DCUN1D1: variants seen among roughly 807,000 people sequenced by gnomAD.
DCUN1D1 encodes DCN1-like protein 1.
In DCUN1D1, 3 loss-of-function variants were observed where a neutral mutation model predicts 39.0. The observed-to-expected ratio is 0.08, with a 90% CI of 0.04 to 0.20. The LOEUF is 0.20. DCUN1D1 is among the 10% of genes least tolerant of loss of function. DCUN1D1 has a pLI of 1.00. For synonymous variants in DCUN1D1, 82 were observed against 96.3 expected, an observed-to-expected ratio of 0.85 and a Z score of 0.87; for missense variants, 158 against 302.4, an observed-to-expected ratio of 0.52 and a Z score of 3.54.
At chr3:182,955,548 C>T (rs1727001110) in intron 4 of DCUN1D1, 1 of 526,722 alleles carries the variant, frequency 1.9e-6, no homozygotes, top group Non-Finnish European at 3.8e-6. Flanking sequence ...TTACATGCCA[C>T]TCAAGAACTT....
intron 3 of DCUN1D1, among the ~76,000 whole-genome samples, chr3:182,962,372 G>T (rs542255814): frequency 1.3e-5 from 2 of 152,312 alleles, no homozygotes; most frequent in African/African-American, 2.4e-5. Context: ...TCTGTGTTAG[G>T]TTCTACCAAG....
chr3:182,980,111 A>AT, intron 1 of DCUN1D1: 1 of 939,984 alleles, frequency 1.1e-6, no homozygotes, highest in Non-Finnish European at 1.3e-6. Flanking sequence ...ACCAGACACA[A>AT]TGGAGCCGGC....
upstream of DCUN1D1, among the ~76,000 whole-genome samples, chr3:182,983,490 C>A (rs920969588): frequency 3.9e-5 from 6 of 152,274 alleles, 1 homozygote; most frequent in Admixed American, 2.6e-4. Context: ...CCAAGGCGGG[C>A]AGATAACTTA....
chr3:182,958,716 A>AT (rs1021387614), intron 4 of DCUN1D1, among the ~76,000 whole-genome samples: 6 of 152,196 alleles, frequency 3.9e-5, no homozygotes, highest in African/African-American at 1.4e-4. Flanking sequence ...ATAAACACAC[A>AT]TAATTCTTCA....
intron 4 of DCUN1D1, among the ~76,000 whole-genome samples, chr3:182,949,133 G>C (rs1001817836): frequency 6.6e-6 from 1 of 151,370 alleles, no homozygotes; most frequent in Non-Finnish European, 1.5e-5. Context: ...GGCCGAGGCA[G>C]GCAGATCACT....
Position 182,947,349 on chromosome 3 carries a change from AAAAC to A in DCUN1D1, c.604-19_604-16del. ...TTATGATGTTCCTATTTAAAAAACA[AAAAC>A]AAAATACATTTGTATCACTAAAAAG... On this transcript the variant is annotated splice_polypyrimidine_tract_variant and intron_variant, in intron 5 of 6. Transcript: ENST00000292782. The A allele has an allele frequency of 6.6e-7, 1 of 1,523,890 alleles. No individual in the cohort carries two copies. Among genetic ancestry groups the A allele is most frequent in the African/African-American group, 1.4e-5 (1 of 72,288 alleles). 94.4% of individuals were successfully genotyped at this position (1,523,890 alleles called of 1,614,324 possible). A position where few individuals can be genotyped will look rare whatever the true frequency, so the allele number is the denominator to read the frequency against.
chr3:182,947,956 T>G (rs1726502971), intron 4 of DCUN1D1, among the ~76,000 whole-genome samples: 1 of 152,258 alleles, frequency 6.6e-6, no homozygotes, highest in South Asian at 2.1e-4. Flanking sequence ...CCAGGGTTTC[T>G]CAACCTGGGC....
Position 182,939,502 on chromosome 3 carries a change from C to G in DCUN1D1, c.*5592G>C, listed in dbSNP as rs1275322841. 1 of 152,150 alleles carries G rather than the reference C, an allele frequency of 6.6e-6. No individual in the cohort carries two copies. Among genetic ancestry groups the G allele is most frequent in the Non-Finnish European group, 1.5e-5 (1 of 68,030 alleles). The allele number at this position is 152,150 out of a possible 1,614,324, so 9.4% of individuals were successfully genotyped here. ...ATAAACAAAATGTGGTATATCCAAACAGTGAACACTAAGTCAGCAACTAAA... is the reference window on the plus strand; with the variant it reads ...ATAAACAAAATGTGGTATATCCAAAGAGTGAACACTAAGTCAGCAACTAAA... On this transcript the variant is annotated 3_prime_UTR_variant, in exon 7 of 7. Coordinates refer to ENST00000292782, the MANE Select transcript of DCUN1D1 (RefSeq NM_020640.4).
At chr3:182,958,427 ATAT>A (rs1235390297) in intron 4 of DCUN1D1, among the ~76,000 whole-genome samples, 2 of 152,154 alleles carry the variant, frequency 1.3e-5, no homozygotes, top group African/African-American at 4.8e-5. Flanking sequence ...CAATATGAAT[ATAT>A]TATTATTGAC....
chr3:182,982,753 C>T (rs750220060), upstream of DCUN1D1, among the ~76,000 whole-genome samples: 2 of 152,100 alleles, frequency 1.3e-5, 1 homozygote, highest in East Asian at 3.8e-4. Flanking sequence ...AGCGATTCTC[C>T]TGTCTCAGCC....
At chr3:182,982,321 C>T (rs528896515), upstream of DCUN1D1, among the ~76,000 whole-genome samples, 3 of 152,310 alleles carry the variant, frequency 2.0e-5, no homozygotes, top group South Asian at 2.1e-4. Flanking sequence ...GCCTGTGTCA[C>T]GCTGTCACTC....
At chr3:182,975,987 C>CA (rs1168853929) in intron 1 of DCUN1D1, among the ~76,000 whole-genome samples, 1 of 151,920 alleles carries the variant, frequency 6.6e-6, no homozygotes, top group Non-Finnish European at 1.5e-5. Context: ...TCTTTGTCCC[C>CA]AAAGGCCCAG....
rs1216471678 is a variant in DCUN1D1, at chr3:182,938,139, C to A, written c.*6955G>T. On this transcript the variant is annotated 3_prime_UTR_variant, in exon 7 of 7. Transcript: ENST00000292782. Reference sequence around the variant, plus strand: ...TGATATAATAGCTTCTTATATACTACATTAACTTGAAAAATATATTCGTTA... The same window carrying A: ...TGATATAATAGCTTCTTATATACTAAATTAACTTGAAAAATATATTCGTTA... 6.6e-6 allele frequency: 1 copy of A among 152,074 alleles called. No homozygotes were observed. The highest frequency in any genetic ancestry group is 1.5e-5 in the Non-Finnish European group (1 of 68,008). The allele number at this position is 152,074 out of a possible 1,614,324, so 9.4% of individuals were successfully genotyped here.
chr3:182,971,150 T>A (rs922103196), intron 1 of DCUN1D1, among the ~76,000 whole-genome samples: 1 of 152,234 alleles, frequency 6.6e-6, no homozygotes, highest in East Asian at 1.9e-4. Flanking sequence ...GGAAAATTAA[T>A]CTTTCTGTGC....
intron 5 of DCUN1D1, 47 bp from the exon 6 acceptor site, chr3:182,947,381 C>G (rs368540035): frequency 7.4e-7 from 1 of 1,356,608 alleles, no homozygotes; most frequent in African/African-American, 1.5e-5. Flanking sequence ...CTAAAAAGAG[C>G]TGCACAAAAA....
At position 182,939,378 on chromosome 3, in the gene DCUN1D1, T is replaced by C. The variant is rs1726039608; in HGVS notation, c.*5716A>G. 1 of 152,166 alleles carries C rather than the reference T, an allele frequency of 6.6e-6. No individual in the cohort carries two copies. The highest frequency in any genetic ancestry group is 1.5e-5 in the Non-Finnish European group (1 of 68,036). The allele number at this position is 152,166 out of a possible 1,614,324, so 9.4% of individuals were successfully genotyped here. ...CAACTAGGAATCTGAGATGAAAACATGTCCACACAAAGACATTTATGAATG... is the reference window on the plus strand; with the variant it reads ...CAACTAGGAATCTGAGATGAAAACACGTCCACACAAAGACATTTATGAATG... On this transcript the variant is annotated 3_prime_UTR_variant, in exon 7 of 7. Coordinates refer to ENST00000292782, the MANE Select transcript of DCUN1D1 (RefSeq NM_020640.4).
upstream of DCUN1D1, chr3:182,980,668 C>T: frequency 1.3e-6 from 1 of 785,814 alleles, no homozygotes; most frequent in Non-Finnish European, 1.5e-6. Flanking sequence ...CGGAGGCAGG[C>T]GGAGGGCGCC....
rs1420948744 is a variant in DCUN1D1, at chr3:182,944,936, G to A, written c.*158C>T. 3 of 593,780 alleles carry A rather than the reference G, an allele frequency of 5.1e-6. No individual in the cohort carries two copies. Among genetic ancestry groups the A allele is most frequent in the African/African-American group, 3.8e-5 (2 of 52,004 alleles). 36.8% of individuals were successfully genotyped at this position (593,780 alleles called of 1,614,324 possible). ...AACCACCATTAGAAGAATGAAATAC[G>A]ATATGGTCCAAGATGTATCCTTAAA... is the stretch of plus-strand genomic sequence containing the variant. On this transcript the variant is annotated 3_prime_UTR_variant, in exon 7 of 7. Coordinates refer to ENST00000292782, the MANE Select transcript of DCUN1D1 (RefSeq NM_020640.4).
chr3:182,979,600 T>TTTTTC (rs58326496), intron 1 of DCUN1D1, among the ~76,000 whole-genome samples: 27 of 137,004 alleles, frequency 2.0e-4, no homozygotes, highest in Non-Finnish European at 4.0e-4. Flanking sequence ...GAGGACTTTT[T>TTTTTC]CCCCCCCCCA....
Sources: gnomAD v4.1 joint callset for allele counts (sites outside exome capture counted in the v4.1 genomes callset) on GRCh38, gnomAD v4.1.1 for gene constraint, MANE v1.5 for transcripts, NCBI Gene and HGNC (gene_info 2026-07-23, HGNC 2026-07-21) for gene names.